The following DNAH8 variants were observed in gnomAD, a reference collection of about 807,000 sequenced individuals.
DNAH8 encodes axonemal beta dynein heavy chain 8.
DNAH8 carries 382 observed loss-of-function variants against 562.1 expected under a neutral mutation model. The ratio of observed to expected loss-of-function variants is 0.68; its 90% confidence interval spans 0.63 to 0.74. The LOEUF (loss-of-function observed/expected upper bound fraction) is 0.74, where lower values mean the gene tolerates loss of function less well. Among genes scored for constraint, DNAH8 ranks in the 30% least tolerant of loss-of-function variants. DNAH8 has a pLI of 0.00. For synonymous variants in DNAH8, 1,881 were observed against 1,919.4 expected (o/e 0.98, Z 0.52); for missense variants, 5,203 against 5,620.4 (o/e 0.93, Z 2.37).
intron 11 of DNAH8, among the ~76,000 whole-genome samples, chr6:38,767,668 A>G (rs1331615320): frequency 6.6e-6 from 1 of 152,284 alleles, no homozygotes; most frequent in Non-Finnish European, 1.5e-5. Context: ...CATTGTATGT[A>G]TAGTCCATAT....
At chr6:38,930,056 T>C (rs1307244345) in intron 75 of DNAH8, among the ~76,000 whole-genome samples, 2 of 152,192 alleles carry the variant, frequency 1.3e-5, no homozygotes, top group East Asian at 3.8e-4. Context: ...CTTATATATA[T>C]ACATTTTTAC....
rs750370242 is a variant in DNAH8 at position 38,826,206 on chromosome 6, C to T, written c.3898C>T (p.Leu1300Phe). Reference sequence around the variant, plus strand: ...CGAGGCCAAGGCATGGAAGATGTTACTCTGTCGATATCTGAATGAAGAATA... The same window carrying T: ...CGAGGCCAAGGCATGGAAGATGTTATTCTGTCGATATCTGAATGAAGAATA... ...SIEAKAWKMLLCRYLNEEYKK... is the reference protein window; with the variant it reads ...SIEAKAWKMLFCRYLNEEYKK... Residue 1300 changes from leucine (L) to phenylalanine (F), a missense_variant, in exon 29 of 93, where the codon CTC becomes TTC. Around this residue, in one of 6 missense-constraint regions of DNAH8, gnomAD observed 2,176 missense variants for 2,365.1 expected, o/e 0.92. Coordinates refer to ENST00000327475, the MANE Select transcript of DNAH8 (RefSeq NM_001206927.2). 1 of 1,613,264 alleles carries T rather than the reference C, an allele frequency of 6.2e-7. No individual in the cohort carries two copies. Among genetic ancestry groups the T allele is most frequent in the Non-Finnish European group, 8.5e-7 (1 of 1,179,676 alleles).
In DNAH8 at chr6:38,875,773, A is replaced by G; in HGVS notation, c.7803A>G (p.Pro2601=). The change falls in exon 53 of 93, where the codon CCA becomes CCG. Residue 2601 remains proline (P), a synonymous_variant. Transcript: ENST00000327475. The stretch of plus-strand genomic sequence containing the variant: ...AGCATGAAAGCAAGTTGGACTTACC[A>G]GAAATACCTAAAGGCTCAAATCAAA... ...LRQHESKLDL[P]EIPKGSNQTM... is the part of the protein sequence containing the mutation. The G allele has an allele frequency of 2.5e-6, 4 of 1,614,034 alleles. No individual in the cohort carries two copies. In the South Asian group the frequency reaches 3.3e-5, roughly 13 times the overall value.
chr6:38,971,591 G>A lies in DNAH8; in HGVS notation c.12452-1G>A. 10 of 1,549,766 alleles carry A rather than the reference G, an allele frequency of 6.5e-6. No homozygotes were observed. Among genetic ancestry groups the A allele is most frequent in the East Asian group, 2.3e-5 (1 of 43,196 alleles). Reference sequence around the variant, plus strand: ...ATAGTGAACTTTCTCCTATGTTACAGAATGTAGAACTATCTCAATGGGGCA... The same window carrying A: ...ATAGTGAACTTTCTCCTATGTTACAAAATGTAGAACTATCTCAATGGGGCA... On this transcript the variant is annotated splice_acceptor_variant, in intron 82 of 92. Coordinates refer to ENST00000327475, the MANE Select transcript of DNAH8 (RefSeq NM_001206927.2). LOFTEE classifies it high-confidence loss of function.
intron 5 of DNAH8, 106 bp downstream of exon 5, chr6:38,734,731 G>A: frequency 8.2e-7 from 1 of 1,223,762 alleles, no homozygotes; most frequent in Non-Finnish European, 1.1e-6. Context: ...GGACTGAATT[G>A]AGTTCCAAGA....
intron 7 of DNAH8, among the ~76,000 whole-genome samples, chr6:38,739,114 T>C (rs1698994): frequency 0.26 from 38,787 of 151,998 alleles, 5,846 homozygotes; most frequent in Middle Eastern, 0.35. Flanking sequence ...ATCATTTGCC[T>C]ATATCATCCC....
intron 87 of DNAH8, among the ~76,000 whole-genome samples, chr6:38,985,489 G>A (rs1561944434): frequency 6.6e-6 from 1 of 152,126 alleles, no homozygotes; most frequent in Non-Finnish European, 1.5e-5. Flanking sequence ...ACCTTTACTT[G>A]TTTTAGCAAG....
intron 83 of DNAH8, chr6:38,972,022 A>C (rs868521839): frequency 5.9e-6 from 1 of 169,290 alleles, no homozygotes. Flanking sequence ...TTCCATTTTC[A>C]GTTAAAGGCA....
Position 38,886,991 on chromosome 6 carries a change from A to AGACAAAAT in DNAH8, c.8461_8468dup (p.Ile2823MetfsTer26). On this transcript the variant is annotated frameshift_variant, in exon 57 of 93. Coordinates refer to ENST00000327475, the MANE Select transcript of DNAH8 (RefSeq NM_001206927.2). LOFTEE classifies it high-confidence loss of function. ...GTACATTGCCTTCAAATGCTTCAAT[A>AGACAAAAT]GACAAAATTTTTGGTATGAATATTC... The AGACAAAAT allele has an allele frequency of 6.2e-7, 1 of 1,608,392 alleles. No homozygotes were observed. The highest frequency in any genetic ancestry group is 8.5e-7 in the Non-Finnish European group (1 of 1,174,894).
At chr6:38,823,345 G>A (rs539683593) in intron 27 of DNAH8, among the ~76,000 whole-genome samples, 12 of 152,244 alleles carry the variant, frequency 7.9e-5, no homozygotes, top group Admixed American at 3.9e-4. Flanking sequence ...GCTGTATTTC[G>A]GTTAGAGACG....
In DNAH8 at chr6:38,775,759, A is replaced by G. The variant is rs758558948; in HGVS notation, c.1770A>G (p.Thr590=). 2.0e-5 allele frequency: 32 copies of G among 1,576,258 alleles called. No homozygotes were observed. Among genetic ancestry groups the G allele is most frequent in the Non-Finnish European group, 2.8e-5 (32 of 1,153,846 alleles). Residue 590 remains threonine, a synonymous_variant, in exon 13 of 93, where the codon ACA becomes ACG. Transcript: ENST00000327475. The part of the protein sequence containing the change: ...EAFCKRLEKI[T]EMITVVQTYS... Reference sequence around the variant, plus strand: ...ATAACATTTCTCTTTTTAAGATTACAGAAATGATAACTGTTGTGCAAACAT... The same window carrying G: ...ATAACATTTCTCTTTTTAAGATTACGGAAATGATAACTGTTGTGCAAACAT...
At chr6:38,898,904 G>A (rs750568300) in intron 61 of DNAH8, among the ~76,000 whole-genome samples, 2 of 152,072 alleles carry the variant, frequency 1.3e-5, no homozygotes, top group Non-Finnish European at 2.9e-5. Context: ...AGTAATTATT[G>A]ACCATTCACC....
chr6:38,758,756 C>CA (rs1766184139), intron 10 of DNAH8, among the ~76,000 whole-genome samples: 1 of 152,118 alleles, frequency 6.6e-6, no homozygotes, highest in African/African-American at 2.4e-5. Context: ...TGAATTTTGT[C>CA]AAAGGCCTTA....
intron 40 of DNAH8, 125 bp from the exon 41 acceptor site, chr6:38,853,061 A>G: frequency 1.3e-6 from 1 of 766,292 alleles, no homozygotes; most frequent in Non-Finnish European, 2.1e-6. Context: ...TATTTAAAAT[A>G]TTTTGTATAA....
At chr6:38,851,452 G>C (rs1562991393) in intron 38 of DNAH8, 120 bp from the exon 39 acceptor site, 1 of 617,014 alleles carries the variant, frequency 1.6e-6, no homozygotes, top group Non-Finnish European at 2.8e-6. Flanking sequence ...TAGGTGATAA[G>C]TGACTTTAGG....
At chr6:38,812,568 G>C (rs1341430609) in intron 24 of DNAH8, among the ~76,000 whole-genome samples, 1 of 152,106 alleles carries the variant, frequency 6.6e-6, no homozygotes, top group African/African-American at 2.4e-5. Flanking sequence ...TCAGTTTTTA[G>C]AGGAGAGTTC....
intron 18 of DNAH8, among the ~76,000 whole-genome samples, chr6:38,788,299 G>C (rs1428468621): frequency 6.6e-6 from 1 of 152,040 alleles, no homozygotes; most frequent in Non-Finnish European, 1.5e-5. Context: ...CTACAGGTGT[G>C]TGCCACCATG....
At chr6:38,909,476 C>T in intron 64 of DNAH8, 42 bp from the exon 65 acceptor site, 1 of 1,581,604 alleles carries the variant, frequency 6.3e-7, no homozygotes, top group Non-Finnish European at 8.7e-7. Flanking sequence ...TGACTTATAA[C>T]CCCTCTGTGT....
At chr6:38,850,544 C>T (rs911184978) in intron 38 of DNAH8, 130 bp downstream of exon 38, 2 of 795,242 alleles carry the variant, frequency 2.5e-6, no homozygotes, top group South Asian at 2.2e-5. Context: ...TAAAATTTCA[C>T]ATAGATTGAA....
Sources: allele counts gnomAD v4.1 joint callset (sites outside exome capture counted in the v4.1 genomes callset), GRCh38; gene constraint gnomAD v4.1.1; regional missense constraint gnomAD v4.1.1; transcripts MANE v1.5; gene names NCBI Gene and HGNC (gene_info 2026-07-23, HGNC 2026-07-21).